REV3L: variants seen among roughly 807,000 people sequenced by gnomAD.
The protein encoded by REV3L is REV3 like, DNA directed polymerase zeta catalytic subunit, also known as DNA polymerase zeta catalytic subunit.
A neutral mutation model predicts 299.4 loss-of-function variants in REV3L; 69 were observed. The observed-to-expected ratio is 0.23, with a 90% confidence interval of 0.19 to 0.28. The LOEUF (loss-of-function observed/expected upper bound fraction) is 0.28, where lower values mean the gene tolerates loss of function less well. Ranked by LOEUF, REV3L falls within the 10% of genes least tolerant of loss-of-function variation. The probability of loss-of-function intolerance (pLI) is 1.00; values close to 1 mark genes in which losing one functional copy is unlikely to be tolerated. For synonymous variants in REV3L, 1,238 were observed against 1,271.4 expected (o/e 0.97, Z 0.56); for missense variants, 3,128 against 3,693.8 (o/e 0.85, Z 3.97).
intron 25 of REV3L, among the ~76,000 whole-genome samples, chr6:111,323,831 C>T (rs945699640): frequency 3.3e-5 from 5 of 152,092 alleles, no homozygotes; most frequent in South Asian, 2.1e-4. Flanking sequence ...TAGCAATAAT[C>T]ATCCTTCTCC....
chr6:111,343,164 G>A (rs935304982), intron 21 of REV3L, among the ~76,000 whole-genome samples: 1 of 152,030 alleles, frequency 6.6e-6, no homozygotes, highest in African/African-American at 2.4e-5. Context: ...GCCTCAAACT[G>A]GAAACAACCC....
At chr6:111,344,392 T>C (rs765871013) in intron 20 of REV3L, among the ~76,000 whole-genome samples, 4 of 152,188 alleles carry the variant, frequency 2.6e-5, no homozygotes, top group Non-Finnish European at 4.4e-5. Context: ...TTTTGTTCTT[T>C]CCATACTTAC....
At chr6:111,396,014 ATCCT>A (rs1198817250) in intron 4 of REV3L, among the ~76,000 whole-genome samples, 105 of 152,138 alleles carry the variant, frequency 6.9e-4, no homozygotes, top group African/African-American at 2.5e-3. Context: ...ATAATGAACA[ATCCT>A]TGCACCCCTG....
chr6:111,325,314 A>AT, intron 25 of REV3L, among the ~76,000 whole-genome samples: 1 of 152,356 alleles, frequency 6.6e-6, no homozygotes, highest in South Asian at 2.1e-4. Context: ...GAAAACTGTC[A>AT]ACATATAAAA....
At chr6:111,332,102 C>T (rs554618114) in intron 23 of REV3L, among the ~76,000 whole-genome samples, 3 of 152,154 alleles carry the variant, frequency 2.0e-5, no homozygotes, top group African/African-American at 4.8e-5. Flanking sequence ...GATGGAGTCT[C>T]GCTCTGTCAC....
chr6:111,341,657 G>T (rs553273774), intron 21 of REV3L, among the ~76,000 whole-genome samples: 1 of 152,234 alleles, frequency 6.6e-6, no homozygotes, highest in Non-Finnish European at 1.5e-5. Flanking sequence ...GTCCTACTAA[G>T]CCAAAGATGA....
intron 1 of REV3L, among the ~76,000 whole-genome samples, chr6:111,439,637 C>T (rs188377874): frequency 1.1e-4 from 17 of 152,216 alleles, no homozygotes; most frequent in South Asian, 2.1e-4. Flanking sequence ...CCAATAACAA[C>T]GAAACATTTC....
upstream of REV3L, chr6:111,483,512 G>T (rs1184446526): frequency 3.8e-6 from 2 of 530,068 alleles, no homozygotes; most frequent in Non-Finnish European, 7.1e-6. Flanking sequence ...GATGGGCTCC[G>T]AGGGGCTTGC....
At chr6:111,431,551 C>T in intron 1 of REV3L, 1 of 802,320 alleles carries the variant, frequency 1.2e-6, no homozygotes, top group South Asian at 1.5e-5. Context: ...CATGATCTGT[C>T]TCTTGGGTCC....
At chr6:111,390,584 A>C (rs1429639451) in intron 5 of REV3L, among the ~76,000 whole-genome samples, 1 of 152,184 alleles carries the variant, frequency 6.6e-6, no homozygotes, top group African/African-American at 2.4e-5. Flanking sequence ...TATTCAAAAA[A>C]CAAGGGAGAA....
intron 22 of REV3L, 145 bp downstream of exon 22, chr6:111,335,324 G>C: frequency 1.1e-6 from 1 of 929,188 alleles, no homozygotes; most frequent in Non-Finnish European, 1.5e-6. Flanking sequence ...GGCATAGAAA[G>C]AGAATAAAAT....
Position 111,474,812 on chromosome 6 carries a change from T to C in REV3L, c.139+7938A>G, listed in dbSNP as rs11969287. ...AAAACATAACTTAAAAATATTAACT[T>C]TGAATAGTATTACATGCACATGATT... is the stretch of plus-strand genomic sequence containing the variant. On this transcript the variant is annotated intron_variant, in intron 1 of 31. Coordinates refer to ENST00000368802, the MANE Select transcript of REV3L (RefSeq NM_001372078.1). 1.8e-3 allele frequency among the ~76,000 whole-genome samples: 275 copies of C among 152,284 alleles called. 1 individual carries two copies. The highest frequency in any genetic ancestry group is 6.2e-3 in the African/African-American group (259 of 41,536).
intron 4 of REV3L, 112 bp downstream of exon 4, chr6:111,405,358 A>G: frequency 1.6e-6 from 1 of 634,942 alleles, no homozygotes; most frequent in Non-Finnish European, 2.4e-6. Context: ...TTCTTTAGTC[A>G]CTCAACATTT....
At chr6:111,438,091 T>C (rs1787815450) in intron 1 of REV3L, among the ~76,000 whole-genome samples, 1 of 151,878 alleles carries the variant, frequency 6.6e-6, no homozygotes, top group Non-Finnish European at 1.5e-5. Flanking sequence ...ACTCCTGGGC[T>C]CAAGTGATCC....
chr6:111,422,421 C>G (rs1785464719), intron 1 of REV3L, among the ~76,000 whole-genome samples: 1 of 151,336 alleles, frequency 6.6e-6, no homozygotes, highest in African/African-American at 2.4e-5. Context: ...CTAACCTCAG[C>G]AACAGAAGAT....
At chr6:111,382,045 C>T (rs182694682) in intron 9 of REV3L, among the ~76,000 whole-genome samples, 1 of 152,168 alleles carries the variant, frequency 6.6e-6, no homozygotes, top group African/African-American at 2.4e-5. Context: ...TATAAAAATA[C>T]AAAGAAATGG....
intron 26 of REV3L, among the ~76,000 whole-genome samples, chr6:111,319,109 TA>T (rs5879100): frequency 0.059 from 8,903 of 152,168 alleles, 550 homozygotes; most frequent in East Asian, 0.33. Flanking sequence ...TACATGTTGT[TA>T]AAAATTATAA....
chr6:111,311,060 T>C lies in REV3L; in HGVS notation c.8795+9A>G. 1 of 1,606,994 alleles carries C rather than the reference T, an allele frequency of 6.2e-7. No homozygotes were observed. Among genetic ancestry groups the C allele is most frequent in the South Asian group, 1.1e-5 (1 of 90,202 alleles). On this transcript the variant is annotated intron_variant, in intron 29 of 31. Coordinates refer to ENST00000368802, the MANE Select transcript of REV3L (RefSeq NM_001372078.1). ...GACTATCCTGGCAAGGTACTGAGGG[T>C]ATCATTACCTTGTAAGTTCAAGGGC...
intron 2 of REV3L, among the ~76,000 whole-genome samples, chr6:111,414,891 ATTTTC>A (rs904834158): frequency 6.6e-6 from 1 of 151,924 alleles, no homozygotes; most frequent in African/African-American, 2.4e-5. Flanking sequence ...AAGCCACACT[ATTTTC>A]TTTTTTGTTT....
Sources: gnomAD v4.1 joint callset for allele counts (sites outside exome capture counted in the v4.1 genomes callset) on GRCh38, gnomAD v4.1.1 for gene constraint, MANE v1.5 for transcripts, NCBI Gene and HGNC (gene_info 2026-07-23, HGNC 2026-07-21) for gene names.